The following AFP variants were observed in gnomAD, a reference collection of about 807,000 sequenced individuals.
AFP encodes the protein alpha-fetoprotein.
AFP carries 64 observed loss-of-function variants against 78.9 expected under a neutral mutation model. The ratio of observed to expected loss-of-function variants is 0.81; its 90% CI spans 0.66 to 1.00. The LOEUF is 1.00. AFP is among the 50% of genes least tolerant of loss of function. The pLI is 0.00. For missense variants in AFP, 689 were observed against 703.8 expected (o/e 0.98, Z 0.24); for synonymous variants, 254 against 243.8 (o/e 1.04, Z -0.39).
rs1719946097 is a variant in AFP, at chr4:73,450,145, T to G, written c.1289+12T>G. The G allele has an allele frequency of 6.3e-7, 1 of 1,581,048 alleles. No homozygotes were observed. The highest frequency in any genetic ancestry group is 1.3e-5 in the African/African-American group (1 of 74,144). ...TACTTACAAAATGCGTATGTTTTTG[T>G]AAACAGTATTTTTAGTGAATTAAAA... On this transcript the variant is annotated intron_variant, in intron 10 of 14. Coordinates refer to ENST00000395792, the MANE Select transcript of AFP (RefSeq NM_001134.3).
chr4:73,440,580 A>G lies in AFP; in HGVS notation c.271-22A>G, dbSNP rs1577952132. On this transcript the variant is annotated intron_variant, in intron 3 of 14. Coordinates refer to ENST00000395792, the MANE Select transcript of AFP (RefSeq NM_001134.3). Reference sequence around the variant, plus strand: ...AAAGCAAAGTTAGTTGTCTTTCTCCAAACATAAAATATTTCTTATAGCTAC... The same window carrying G: ...AAAGCAAAGTTAGTTGTCTTTCTCCGAACATAAAATATTTCTTATAGCTAC... The G allele has an allele frequency of 1.9e-6, 3 of 1,595,600 alleles. No individual in the cohort carries two copies. In the East Asian group the frequency reaches 6.7e-5, roughly 36 times the overall value.
rs746790581 is a variant in AFP, at chr4:73,455,886, A to G, written c.*266A>G. 2.0e-6 allele frequency: 1 copy of G among 509,160 alleles called. No homozygotes were observed. The highest frequency in any genetic ancestry group is 3.5e-6 in the Non-Finnish European group (1 of 289,290). The allele number at this position is 509,160 out of a possible 1,614,324, so 31.5% of individuals were successfully genotyped here. Reference sequence around the variant, plus strand: ...AAAATAGCATTAAGTGTTGGTTATTATAGGAGATTAAAGCTATCCAAGGAT... The same window carrying G: ...AAAATAGCATTAAGTGTTGGTTATTGTAGGAGATTAAAGCTATCCAAGGAT... On this transcript the variant is annotated 3_prime_UTR_variant, in exon 15 of 15. Coordinates refer to ENST00000395792, the MANE Select transcript of AFP (RefSeq NM_001134.3).
At chr4:73,441,485 G>C (rs528801893) in intron 4 of AFP, among the ~76,000 whole-genome samples, 1 of 146,176 alleles carries the variant, frequency 6.8e-6, no homozygotes, top group African/African-American at 2.5e-5. Context: ...GGAGAATGGC[G>C]TGAACCCTGG....
At chr4:73,438,382 G>T (rs1404867348) in intron 3 of AFP, 76 bp downstream of exon 3, 2 of 1,500,570 alleles carry the variant, frequency 1.3e-6, no homozygotes, top group Admixed American at 2.0e-5. Flanking sequence ...TACAAAAATA[G>T]CAGTGAAAAA....
intron 4 of AFP, 24 bp downstream of exon 4, chr4:73,440,837 A>G (rs752033857): frequency 3.1e-6 from 5 of 1,600,962 alleles, no homozygotes; most frequent in Non-Finnish European, 4.3e-6. Flanking sequence ...TTAAAGGTAG[A>G]TGCAAACCTC....
At chr4:73,451,381 A>T (rs182715112) in intron 11 of AFP, among the ~76,000 whole-genome samples, 1 of 152,316 alleles carries the variant, frequency 6.6e-6, no homozygotes, top group East Asian at 1.9e-4. Flanking sequence ...TATTTTTCCT[A>T]TAAAGTCATA....
chr4:73,440,930 G>T (rs1462019839), intron 4 of AFP, 117 bp downstream of exon 4: 2 of 1,024,552 alleles, frequency 2.0e-6, no homozygotes, highest in Non-Finnish European at 2.8e-6. Context: ...TGTTTCTTTG[G>T]TGTTGTGTCT....
At chr4:73,446,611 ACGG>A (rs1719834503) in intron 7 of AFP, among the ~76,000 whole-genome samples, 1 of 145,544 alleles carries the variant, frequency 6.9e-6, no homozygotes, top group African/African-American at 2.6e-5. Flanking sequence ...TATCATTCTT[ACGG>A]AATTTCTCGT....
rs1720144378 is a variant in AFP at position 73,455,837 on chromosome 4, C to T, written c.*217C>T. 3.4e-6 allele frequency: 2 copies of T among 582,094 alleles called. No individual in the cohort carries two copies. Among genetic ancestry groups the T allele is most frequent in the Non-Finnish European group, 6.0e-6 (2 of 332,844 alleles). 36.1% of individuals were successfully genotyped at this position (582,094 alleles called of 1,614,324 possible). A position where few individuals can be genotyped will look rare whatever the true frequency, so the allele number is the denominator to read the frequency against. ...TCGATAATTTCTTTAGTTTTGTATA[C>T]CATTGTCTGAAGCAGATTCTGTTAA... is the stretch of plus-strand genomic sequence containing the variant. On this transcript the variant is annotated 3_prime_UTR_variant, in exon 15 of 15. Coordinates refer to ENST00000395792, the MANE Select transcript of AFP (RefSeq NM_001134.3).
chr4:73,442,857 A>C (rs1360118052), intron 5 of AFP, among the ~76,000 whole-genome samples: 3 of 152,158 alleles, frequency 2.0e-5, no homozygotes, highest in Non-Finnish European at 4.4e-5. Context: ...CCTTTAACAA[A>C]CTAGGAAAGA....
At chr4:73,444,462 G>T (rs1719762056) in intron 6 of AFP, among the ~76,000 whole-genome samples, 1 of 152,084 alleles carries the variant, frequency 6.6e-6, no homozygotes, top group Non-Finnish European at 1.5e-5. Flanking sequence ...GAGGAAACCA[G>T]AATTTTTATT....
chr4:73,452,662 C>T, intron 12 of AFP, 38 bp downstream of exon 12: 1 of 1,522,554 alleles, frequency 6.6e-7, no homozygotes, highest in Non-Finnish European at 9.1e-7. Flanking sequence ...AAAAGAATGA[C>T]AACCCCAAAG....
At chr4:73,446,798 G>A (rs924161479) in intron 7 of AFP, among the ~76,000 whole-genome samples, 1 of 152,138 alleles carries the variant, frequency 6.6e-6, no homozygotes, top group Non-Finnish European at 1.5e-5. Flanking sequence ...TATTTTATTT[G>A]AGCACATTTC....
intron 12 of AFP, among the ~76,000 whole-genome samples, chr4:73,453,332 C>T (rs550591941): frequency 2.7e-4 from 41 of 152,278 alleles, no homozygotes; most frequent in African/African-American, 8.4e-4. Context: ...CTAAGTCCAA[C>T]ATGAAAGGCT....
At chr4:73,451,715 G>A (rs1225229441) in intron 11 of AFP, among the ~76,000 whole-genome samples, 2 of 152,160 alleles carry the variant, frequency 1.3e-5, no homozygotes, top group East Asian at 1.9e-4. Context: ...TGACATTTGA[G>A]AATACAAATT....
intron 3 of AFP, 64 bp downstream of exon 3, chr4:73,438,370 G>C: frequency 6.5e-7 from 1 of 1,536,244 alleles, no homozygotes; most frequent in Non-Finnish European, 8.8e-7. Context: ...CTGAAGAGAA[G>C]ATACAAAAAT....
At chr4:73,441,827 C>G (rs1719676603) in intron 4 of AFP, among the ~76,000 whole-genome samples, 1 of 152,210 alleles carries the variant, frequency 6.6e-6, no homozygotes, top group African/African-American at 2.4e-5. Flanking sequence ...TTCCATGTTA[C>G]TTCCTAAACC....
intron 7 of AFP, among the ~76,000 whole-genome samples, chr4:73,445,359 T>TA (rs34058340): frequency 6.6e-6 from 1 of 152,130 alleles, no homozygotes; most frequent in Non-Finnish European, 1.5e-5. Flanking sequence ...TTCTTACTTC[T>TA]AAAAAAACCG....
At chr4:73,448,465 C>G (rs189538048) in intron 8 of AFP, among the ~76,000 whole-genome samples, 10 of 152,180 alleles carry the variant, frequency 6.6e-5, no homozygotes, top group African/African-American at 2.4e-4. Flanking sequence ...TTTAATATTG[C>G]CTGAAGATAT....
Sources: allele counts gnomAD v4.1 joint callset (sites outside exome capture counted in the v4.1 genomes callset), GRCh38; gene constraint gnomAD v4.1.1; transcripts MANE v1.5; gene names NCBI Gene and HGNC (gene_info 2026-07-23, HGNC 2026-07-21).